NKTR: variants seen among roughly 807,000 people sequenced by gnomAD.
NKTR encodes NK-tumor recognition protein.
A neutral mutation model predicts 156.3 loss-of-function variants in NKTR; 67 were observed. The ratio of observed to expected loss-of-function variants is 0.43; its 90% CI spans 0.35 to 0.53. NKTR has a LOEUF of 0.53. NKTR is among the 20% of genes least tolerant of loss of function. The pLI is 0.01. For synonymous variants in NKTR, 640 were observed against 596.6 expected, an observed-to-expected ratio of 1.07 and a Z score of -1.06; for missense variants, 1,604 against 1,730.9, an observed-to-expected ratio of 0.93 and a Z score of 1.30.
chr3:42,639,012 C>T lies in NKTR; in HGVS notation c.3308C>T (p.Ala1103Val), dbSNP rs781285458. 4.3e-6 allele frequency: 7 copies of T among 1,613,314 alleles called. No homozygotes were observed. Among genetic ancestry groups the T allele is most frequent in the Non-Finnish European group, 5.9e-6 (7 of 1,179,766 alleles). Residue 1103 changes from alanine to valine, a missense_variant, in exon 13 of 17, where the codon GCC becomes GTC. Physicochemically the swap from Ala to Val is moderately conservative, Grantham distance 64. Coordinates refer to ENST00000232978, the MANE Select transcript of NKTR (RefSeq NM_005385.4). ...PTALNTEENV[A>V]CLQNIQHVEE... ...GCTTTAAATACTGAGGAAAATGTGG[C>T]CTGTTTACAAAACATTCAGCACGTT...
intron 6 of NKTR, 30 bp from the exon 7 acceptor site, chr3:42,630,516 A>C: frequency 3.1e-6 from 5 of 1,613,546 alleles, no homozygotes; most frequent in Middle Eastern, 3.3e-4. Flanking sequence ...CGTGTTTGAC[A>C]TCATCTTTGT....
chr3:42,615,418 A>G (rs1324079523), intron 2 of NKTR, among the ~76,000 whole-genome samples: 4 of 150,242 alleles, frequency 2.7e-5, no homozygotes, highest in Non-Finnish European at 4.4e-5. Flanking sequence ...CTAGTTAGCT[A>G]TCCCTCTCCG....
At chr3:42,642,686 T>C in intron 14 of NKTR, 90 bp downstream of exon 14, 2 of 890,128 alleles carry the variant, frequency 2.2e-6, no homozygotes, top group Non-Finnish European at 3.8e-6. Context: ...TTGAGAAGAA[T>C]CATGTCATTA....
chr3:42,616,769 T>C (rs575876351), intron 2 of NKTR, among the ~76,000 whole-genome samples: 6 of 152,192 alleles, frequency 3.9e-5, no homozygotes, highest in Middle Eastern at 3.4e-3. Context: ...ATTTTAAGAG[T>C]CTTGCTCTGT....
At chr3:42,630,324 A>C in intron 6 of NKTR, 1 of 1,378,344 alleles carries the variant, frequency 7.3e-7, no homozygotes, top group Non-Finnish European at 9.3e-7. Flanking sequence ...TCTAATAGAG[A>C]TGATTGTAAT....
In NKTR at chr3:42,639,327, C is replaced by T; in HGVS notation, c.3623C>T (p.Thr1208Ile). The stretch of plus-strand genomic sequence containing the variant: ...AGCTTGGCTAGTGCTGGAGAAAGTA[C>T]CGGGAAGAAGGAGGTGGCTGAGAAG... ...SASLASAGES[T>I]GKKEVAEKSQ... The change falls in exon 13 of 17, where the codon ACC (threonine) becomes ATC (isoleucine). Residue 1208 changes from threonine to isoleucine, a missense_variant. Thr to Ile is a moderately conservative substitution (Grantham distance 89, BLOSUM62 -1). Coordinates refer to ENST00000232978, the MANE Select transcript of NKTR (RefSeq NM_005385.4). The T allele has an allele frequency of 1.2e-6, 2 of 1,613,944 alleles. No homozygotes were observed.
In NKTR at chr3:42,646,274, T is replaced by C. The variant is rs1710342554; in HGVS notation, c.*299T>C. 3.4e-6 allele frequency: 1 copy of C among 290,992 alleles called. No homozygotes were observed. Among genetic ancestry groups the C allele is most frequent in the South Asian group, 4.1e-5 (1 of 24,186 alleles). The allele number at this position is 290,992 out of a possible 1,614,324, so 18.0% of individuals were successfully genotyped here. Reference sequence around the variant, plus strand: ...AATTTGCAATATTATTTTAAGTCTATTTCACTCTATCTTACGTATCCCTTA... The same window carrying C: ...AATTTGCAATATTATTTTAAGTCTACTTCACTCTATCTTACGTATCCCTTA... On this transcript the variant is annotated 3_prime_UTR_variant, in exon 17 of 17. Transcript: ENST00000232978.
At chr3:42,613,789 A>G (rs1212853143) in intron 2 of NKTR, among the ~76,000 whole-genome samples, 1 of 152,160 alleles carries the variant, frequency 6.6e-6, no homozygotes, top group African/African-American at 2.4e-5. Context: ...ATTAATCTTA[A>G]TATTGTTCCC....
chr3:42,637,502 G>T lies in NKTR; in HGVS notation c.1798G>T (p.Val600Phe). The change falls in exon 13 of 17, where the codon GTT (valine) becomes TTT (phenylalanine). Residue 600 changes from valine (V) to phenylalanine (F), a missense_variant. Transcript: ENST00000232978. ...AQNENVVVQP[V>F]VAENIPVIPL... ...AAATGAAAATGTAGTAGTACAACCA[G>T]TTGTAGCAGAAAATATTCCTGTAAT... 3 of 1,614,012 alleles carry T rather than the reference G, an allele frequency of 1.9e-6. No individual in the cohort carries two copies. In the South Asian group the frequency reaches 3.3e-5, roughly 18 times the overall value.
chr3:42,645,657 C>T (rs1333449736), intron 16 of NKTR, among the ~76,000 whole-genome samples: 1 of 152,072 alleles, frequency 6.6e-6, no homozygotes. Context: ...GCACTCCAAC[C>T]TGGGCAAAAA....
At chr3:42,608,997 G>A (rs1559551959) in intron 2 of NKTR, among the ~76,000 whole-genome samples, 1 of 152,004 alleles carries the variant, frequency 6.6e-6, no homozygotes, top group Non-Finnish European at 1.5e-5. Context: ...GCATGGTGGC[G>A]AGCACCTGTA....
At chr3:42,641,500 GT>G (rs1709880239) in intron 13 of NKTR, among the ~76,000 whole-genome samples, 1 of 152,056 alleles carries the variant, frequency 6.6e-6, no homozygotes, top group African/African-American at 2.4e-5. Context: ...ATTTTTGCTT[GT>G]TTTATTAAGT....
rs1705307819 is a variant in NKTR at position 42,600,781 on chromosome 3, G to A, written c.-24+3G>A. ...CGCTCAGGCTGGAGGCCAGCCAGGT[G>A]AAGAGCTCGCCCGCATGCGTGCGCG... On this transcript the variant is annotated splice_donor_region_variant and intron_variant, in intron 1 of 16. Coordinates refer to ENST00000232978, the MANE Select transcript of NKTR (RefSeq NM_005385.4). 5.3e-6 allele frequency: 2 copies of A among 377,952 alleles called. No individual in the cohort carries two copies. Among genetic ancestry groups the A allele is most frequent in the Admixed American group, 4.7e-5 (1 of 21,192 alleles). 23.4% of individuals were successfully genotyped at this position (377,952 alleles called of 1,614,324 possible). A position where few individuals can be genotyped will look rare whatever the true frequency, so the allele number is the denominator to read the frequency against.
In NKTR at chr3:42,632,404, G is replaced by A. The variant is rs398743; in HGVS notation, c.551-197G>A. ...GTTACTTGACCCAACAAGAATATAG[G>A]CTTCATAAAGACAAGGGACTTACTA... On this transcript the variant is annotated intron_variant, in intron 8 of 16. Transcript: ENST00000232978. Among the ~76,000 whole-genome samples the A allele has an allele frequency of 5.9e-5, 9 of 151,800 alleles. No homozygotes were observed. In the East Asian group the frequency reaches 1.7e-3, roughly 29 times the overall value.
chr3:42,624,802 T>C (rs1315420521), intron 6 of NKTR, among the ~76,000 whole-genome samples: 2 of 152,192 alleles, frequency 1.3e-5, no homozygotes, highest in African/African-American at 4.8e-5. Flanking sequence ...GAAACATTCT[T>C]TCCCCTTTTG....
At chr3:42,609,924 A>G (rs1043710726) in intron 2 of NKTR, among the ~76,000 whole-genome samples, 18 of 152,140 alleles carry the variant, frequency 1.2e-4, no homozygotes, top group African/African-American at 4.1e-4. Context: ...GTGTATAGCT[A>G]ATGTTTCAAA....
intron 2 of NKTR, among the ~76,000 whole-genome samples, chr3:42,614,234 CTT>C (rs966084040): frequency 6.6e-6 from 1 of 152,180 alleles, no homozygotes; most frequent in Non-Finnish European, 1.5e-5. Context: ...GTTCTTAACT[CTT>C]TACAGAGATG....
intron 6 of NKTR, chr3:42,629,050 TA>T: frequency 1.1e-6 from 1 of 902,850 alleles, no homozygotes; most frequent in Non-Finnish European, 1.3e-6. Flanking sequence ...ATCTTTCATA[TA>T]ATAGAGTCAC....
At chr3:42,635,136 G>T (rs944202447) in intron 11 of NKTR, 85 bp from the exon 12 acceptor site, 24 of 980,330 alleles carry the variant, frequency 2.4e-5, no homozygotes, top group Non-Finnish European at 3.5e-5. Context: ...GATGATCTGA[G>T]ATTGGGTCTT....
Sources: allele counts gnomAD v4.1 joint callset (sites outside exome capture counted in the v4.1 genomes callset), GRCh38; gene constraint gnomAD v4.1.1; transcripts MANE v1.5; gene names NCBI Gene and HGNC (gene_info 2026-07-23, HGNC 2026-07-21).